The following ADARB2 variants were observed in gnomAD, a reference collection of about 807,000 sequenced individuals.
ADARB2 encodes the protein inactive double-stranded RNA-specific editase B2.
ADARB2 carries 25 observed loss-of-function variants against 62.2 expected under a neutral mutation model. That is an observed-to-expected ratio of 0.40 (90% confidence interval 0.29 to 0.56). The LOEUF is 0.56. ADARB2 is among the 20% of genes least tolerant of loss of function. The pLI is 0.43. For synonymous variants in ADARB2, 572 were observed against 500.8 expected, an observed-to-expected ratio of 1.14 and a Z score of -1.90; for missense variants, 1,071 against 1,077.4, an observed-to-expected ratio of 0.99 and a Z score of 0.08.
chr10:1,231,061 G>A (rs1047386402), intron 6 of ADARB2, among the ~76,000 whole-genome samples: 1 of 152,090 alleles, frequency 6.6e-6, no homozygotes, highest in African/African-American at 2.4e-5. Flanking sequence ...TCGATGTACA[G>A]AGATGTGGGA....
At chr10:1,498,430 G>GGAAAA (rs759319038) in intron 1 of ADARB2, among the ~76,000 whole-genome samples, 1 of 151,232 alleles carries the variant, frequency 6.6e-6, no homozygotes, top group African/African-American at 2.4e-5. Context: ...TAAAAACAAA[G>GGAAAA]GAAAAGAAAA....
chr10:1,680,240 A>G (rs570309034), intron 1 of ADARB2, among the ~76,000 whole-genome samples: 2 of 150,906 alleles, frequency 1.3e-5, no homozygotes, highest in African/African-American at 2.5e-5. Context: ...TGTGTAATCC[A>G]CCACTCATAC....
chr10:1,552,419 C>A (rs552854109), intron 1 of ADARB2, among the ~76,000 whole-genome samples: 4 of 151,002 alleles, frequency 2.6e-5, no homozygotes, highest in Admixed American at 1.3e-4. Context: ...GGAGGCACAG[C>A]CCCAGTGCTC....
At chr10:1,720,618 T>C (rs10794790) in intron 1 of ADARB2, among the ~76,000 whole-genome samples, 101,428 of 152,038 alleles carry the variant, frequency 0.67, 34,473 homozygotes, top group East Asian at 0.85. Flanking sequence ...CAGTCTTTAT[T>C]TGAATATTTA....
At chr10:1,364,134 T>C (rs1364096677) in intron 2 of ADARB2, among the ~76,000 whole-genome samples, 1 of 152,228 alleles carries the variant, frequency 6.6e-6, no homozygotes, top group Non-Finnish European at 1.5e-5. Context: ...TGAGGGCCTG[T>C]GGCTAGGAGC....
intron 1 of ADARB2, among the ~76,000 whole-genome samples, chr10:1,631,466 T>C (rs1375486101): frequency 6.6e-6 from 1 of 152,206 alleles, no homozygotes; most frequent in Non-Finnish European, 1.5e-5. Context: ...CACCTTCCCA[T>C]GCCCGATGTC....
At chr10:1,685,517 T>A (rs746215021) in intron 1 of ADARB2, among the ~76,000 whole-genome samples, 3 of 152,206 alleles carry the variant, frequency 2.0e-5, no homozygotes, top group Non-Finnish European at 2.9e-5. Context: ...TGCTGAATCC[T>A]TGGGAAAATT....
At chr10:1,206,862 C>A (rs1173354398) in intron 7 of ADARB2, among the ~76,000 whole-genome samples, 1 of 152,238 alleles carries the variant, frequency 6.6e-6, no homozygotes, top group Non-Finnish European at 1.5e-5. Flanking sequence ...CCTCTGCCGT[C>A]TCCACAGCAT....
intron 1 of ADARB2, among the ~76,000 whole-genome samples, chr10:1,643,921 A>C (rs1834006279): frequency 1.3e-5 from 2 of 152,108 alleles, no homozygotes; most frequent in African/African-American, 2.4e-5. Context: ...TAGGTCAGTA[A>C]TGTGAAAGTA....
chr10:1,290,323 A>C (rs1831454805), intron 3 of ADARB2: 1 of 152,248 alleles, frequency 6.6e-6, no homozygotes, highest in Non-Finnish European at 1.5e-5. Context: ...AGGGACTCAC[A>C]GGTGACCCAC....
intron 1 of ADARB2, among the ~76,000 whole-genome samples, chr10:1,473,405 CAG>C (rs1831352798): frequency 1.3e-5 from 2 of 151,800 alleles, no homozygotes. Context: ...TTTTTCCTGA[CAG>C]GGCCTCACTC....
intron 1 of ADARB2, among the ~76,000 whole-genome samples, chr10:1,593,285 A>C: frequency 7.4e-6 from 1 of 135,014 alleles, no homozygotes; most frequent in East Asian, 2.0e-4. Flanking sequence ...GCCACCCTCC[A>C]TAGGTCTCCT....
chr10:1,705,986 T>G (rs1834885462), intron 1 of ADARB2, among the ~76,000 whole-genome samples: 1 of 152,270 alleles, frequency 6.6e-6, no homozygotes, highest in African/African-American at 2.4e-5. Flanking sequence ...TTTACCATTT[T>G]ATCTTCTTGT....
At chr10:1,291,488 C>T (rs760476459) in intron 3 of ADARB2, 1 of 152,270 alleles carries the variant, frequency 6.6e-6, no homozygotes, top group African/African-American at 2.4e-5. Context: ...GGTCCATGTT[C>T]CCTCCTCACA....
At chr10:1,305,432 TCC>T (rs1226435013) in intron 3 of ADARB2, among the ~76,000 whole-genome samples, 1 of 150,082 alleles carries the variant, frequency 6.7e-6, no homozygotes, top group African/African-American at 2.4e-5. Flanking sequence ...CCAAAAAGAG[TCC>T]AGGACCAGAT....
At chr10:1,662,559 G>A (rs894717314) in intron 1 of ADARB2, among the ~76,000 whole-genome samples, 1 of 152,200 alleles carries the variant, frequency 6.6e-6, no homozygotes, top group African/African-American at 2.4e-5. Context: ...GTTTTATGCT[G>A]CTTAGTTTGT....
At chr10:1,454,804 T>A (rs1352504443) in intron 1 of ADARB2, among the ~76,000 whole-genome samples, 1 of 152,112 alleles carries the variant, frequency 6.6e-6, no homozygotes, top group Non-Finnish European at 1.5e-5. Context: ...CACTCAAAAG[T>A]GGATCAGAGG....
At chr10:1,736,804 C>T (rs1181557278) in intron 1 of ADARB2, among the ~76,000 whole-genome samples, 1 of 152,216 alleles carries the variant, frequency 6.6e-6, no homozygotes, top group Non-Finnish European at 1.5e-5. Flanking sequence ...GCCGCCCTCG[C>T]CCCACTTCGT....
intron 1 of ADARB2, among the ~76,000 whole-genome samples, chr10:1,406,712 G>A (rs1832710419): frequency 6.6e-6 from 1 of 152,212 alleles, no homozygotes; most frequent in South Asian, 2.1e-4. Context: ...TGCTGTGAAG[G>A]TGAGTGCCAG....
Sources: allele counts gnomAD v4.1 joint callset (sites outside exome capture counted in the v4.1 genomes callset), GRCh38; gene constraint gnomAD v4.1.1; transcripts MANE v1.5; gene names NCBI Gene and HGNC (gene_info 2026-07-23, HGNC 2026-07-21).